Variants in TBC1D22A observed in about 807,000 individuals in gnomAD.
The protein encoded by TBC1D22A is TBC1 domain family member 22A.
TBC1D22A carries 38 observed loss-of-function variants against 60.2 expected under a neutral mutation model. That is an observed-to-expected ratio of 0.63 (90% CI 0.49 to 0.83). The LOEUF (loss-of-function observed/expected upper bound fraction) is 0.83, where lower values mean the gene tolerates loss of function less well. Among genes scored for constraint, TBC1D22A ranks in the 40% least tolerant of loss-of-function variants. The probability of loss-of-function intolerance (pLI) is 0.00; values close to 1 mark genes in which losing one functional copy is unlikely to be tolerated. For synonymous variants in TBC1D22A, 302 were observed against 281.7 expected, an observed-to-expected ratio of 1.07 and a Z score of -0.72; for missense variants, 628 against 701.0, an observed-to-expected ratio of 0.90 and a Z score of 1.18.
intron 10 of TBC1D22A, among the ~76,000 whole-genome samples, chr22:47,025,773 G>T (rs16996182): frequency 0.014 from 2,194 of 152,260 alleles, 45 homozygotes; most frequent in African/African-American, 0.049. Flanking sequence ...TATAGAGTGC[G>T]TGGCAATATG....
intron 10 of TBC1D22A, among the ~76,000 whole-genome samples, chr22:46,998,437 A>G (rs75854543): frequency 3.9e-5 from 6 of 152,182 alleles, no homozygotes; most frequent in Non-Finnish European, 8.8e-5. Context: ...GAAAAGAGAC[A>G]TGCTCTTTCA....
chr22:47,153,107 C>A (rs970870898), intron 12 of TBC1D22A, among the ~76,000 whole-genome samples: 1 of 152,162 alleles, frequency 6.6e-6, no homozygotes, highest in Non-Finnish European at 1.5e-5. Context: ...TTCTCAGAGG[C>A]ACCTCGTGGC....
chr22:46,773,043 G>A (rs931364622), intron 1 of TBC1D22A, among the ~76,000 whole-genome samples: 7 of 152,218 alleles, frequency 4.6e-5, no homozygotes, highest in Non-Finnish European at 1.0e-4. Context: ...CTGTGGCTAG[G>A]ACAAGGGCAG....
At chr22:46,815,141 T>C (rs899768254) in intron 4 of TBC1D22A, among the ~76,000 whole-genome samples, 3 of 152,258 alleles carry the variant, frequency 2.0e-5, no homozygotes, top group Non-Finnish European at 4.4e-5. Context: ...TTTGATGTTG[T>C]TTTTTATTTA....
intron 11 of TBC1D22A, among the ~76,000 whole-genome samples, chr22:47,087,772 A>C (rs2064756237): frequency 6.6e-6 from 1 of 152,206 alleles, no homozygotes; most frequent in South Asian, 2.1e-4. Flanking sequence ...CATAAGCTTA[A>C]ATATGAATTA....
At chr22:46,964,347 C>T (rs902010132) in intron 8 of TBC1D22A, among the ~76,000 whole-genome samples, 15 of 152,246 alleles carry the variant, frequency 9.9e-5, no homozygotes, top group African/African-American at 3.1e-4. Context: ...GCCCCTCTGG[C>T]GCTCCCCCAC....
chr22:47,151,916 G>A (rs534040129), intron 12 of TBC1D22A, among the ~76,000 whole-genome samples: 3 of 152,208 alleles, frequency 2.0e-5, no homozygotes, highest in Non-Finnish European at 4.4e-5. Context: ...GGCCAGCAAT[G>A]TCACCTCTGG....
intron 12 of TBC1D22A, among the ~76,000 whole-genome samples, chr22:47,160,620 G>A (rs989514013): frequency 6.6e-6 from 1 of 152,184 alleles, no homozygotes; most frequent in Non-Finnish European, 1.5e-5. Context: ...TGAAAGTACA[G>A]GGGTCTTCGC....
At chr22:46,908,956 G>A (rs954797982) in intron 7 of TBC1D22A, among the ~76,000 whole-genome samples, 2 of 152,170 alleles carry the variant, frequency 1.3e-5, no homozygotes, top group African/African-American at 4.8e-5. Context: ...GGCTCCTGCT[G>A]TGGAACCGAG....
At chr22:46,887,433 G>T (rs2068174436) in intron 5 of TBC1D22A, among the ~76,000 whole-genome samples, 1 of 152,268 alleles carries the variant, frequency 6.6e-6, no homozygotes, top group South Asian at 2.1e-4. Flanking sequence ...AACCTAGCAG[G>T]CCCACTCCCA....
At chr22:47,029,494 T>G (rs957529409) in intron 10 of TBC1D22A, among the ~76,000 whole-genome samples, 3 of 152,176 alleles carry the variant, frequency 2.0e-5, no homozygotes, top group Non-Finnish European at 4.4e-5. Context: ...CCAACCTCCC[T>G]CCTCTTCCCT....
At chr22:47,127,219 TTC>T (rs1432721592) in intron 12 of TBC1D22A, among the ~76,000 whole-genome samples, 2 of 144,100 alleles carry the variant, frequency 1.4e-5, no homozygotes, top group African/African-American at 2.5e-5. Flanking sequence ...ATCTTTTTTT[TTC>T]TTTTTCTCTT....
At chr22:46,865,545 T>C (rs745985791) in intron 4 of TBC1D22A, among the ~76,000 whole-genome samples, 18 of 152,178 alleles carry the variant, frequency 1.2e-4, no homozygotes, top group Non-Finnish European at 2.2e-4. Flanking sequence ...TTATGTGAAA[T>C]CACATGTGAA....
At chr22:46,772,853 C>T (rs1182013969) in intron 1 of TBC1D22A, among the ~76,000 whole-genome samples, 1 of 152,138 alleles carries the variant, frequency 6.6e-6, no homozygotes, top group African/African-American at 2.4e-5. Context: ...TGATCTCCAT[C>T]TCCTGACCTC....
At chr22:46,939,062 A>T (rs2083188397) in intron 8 of TBC1D22A, among the ~76,000 whole-genome samples, 1 of 151,946 alleles carries the variant, frequency 6.6e-6, no homozygotes, top group South Asian at 2.1e-4. Context: ...AACAATCTGG[A>T]GACACCATTT....
At chr22:47,133,593 C>G (rs910830180) in intron 12 of TBC1D22A, among the ~76,000 whole-genome samples, 1 of 152,164 alleles carries the variant, frequency 6.6e-6, no homozygotes, top group Non-Finnish European at 1.5e-5. Flanking sequence ...TTTCGACATT[C>G]GTTTTTAGGA....
intron 1 of TBC1D22A, among the ~76,000 whole-genome samples, chr22:46,778,505 C>A (rs1038526827): frequency 3.9e-5 from 6 of 151,982 alleles, no homozygotes; most frequent in Non-Finnish European, 8.8e-5. Context: ...CAGACACACA[C>A]ATTAGCCTAG....
chr22:46,886,064 C>T (rs536232289), intron 5 of TBC1D22A, among the ~76,000 whole-genome samples: 4 of 152,014 alleles, frequency 2.6e-5, no homozygotes, highest in South Asian at 2.1e-4. Flanking sequence ...CCTGCCACCA[C>T]GCCTGGCTAA....
intron 12 of TBC1D22A, among the ~76,000 whole-genome samples, chr22:47,154,334 C>G (rs928683126): frequency 5.9e-5 from 9 of 152,226 alleles, no homozygotes; most frequent in Non-Finnish European, 1.3e-4. Context: ...TGCTCACCCT[C>G]TGAGCTCTGT....
Sources: allele counts gnomAD v4.1 joint callset (sites outside exome capture counted in the v4.1 genomes callset), GRCh38; gene constraint gnomAD v4.1.1; transcripts MANE v1.5; gene names NCBI Gene and HGNC (gene_info 2026-07-23, HGNC 2026-07-21).